PTPRC: variants seen among roughly 807,000 people sequenced by gnomAD.
PTPRC encodes protein tyrosine phosphatase receptor type C, also known as receptor-type tyrosine-protein phosphatase C.
A neutral mutation model predicts 155.9 loss-of-function variants in PTPRC; 44 were observed. The observed-to-expected ratio is 0.28, with a 90% CI of 0.22 to 0.36. The LOEUF is 0.36. Among genes scored for constraint, PTPRC ranks in the 10% least tolerant of loss-of-function variants. PTPRC has a pLI of 1.00. For synonymous variants in PTPRC, 525 were observed against 533.1 expected (o/e 0.98, Z 0.21); for missense variants, 1,401 against 1,564.6 (o/e 0.90, Z 1.76).
intron 26 of PTPRC, among the ~76,000 whole-genome samples, chr1:198,744,839 A>G (rs1034407159): frequency 1.3e-5 from 2 of 151,798 alleles, no homozygotes; most frequent in African/African-American, 2.4e-5. Flanking sequence ...TGGTAAATTC[A>G]GAGTTTCTAA....
chr1:198,708,297 G>C, intron 10 of PTPRC, 36 bp downstream of exon 10: 1 of 1,566,730 alleles, frequency 6.4e-7, no homozygotes, highest in Non-Finnish European at 8.7e-7. Flanking sequence ...ATTTTTTTTT[G>C]TGGCACAATG....
chr1:198,650,386 T>C (rs1344858465), intron 2 of PTPRC, among the ~76,000 whole-genome samples: 1 of 151,524 alleles, frequency 6.6e-6, no homozygotes, highest in Non-Finnish European at 1.5e-5. Flanking sequence ...AATGGGAGGA[T>C]GGAGAAAGGG....
intron 15 of PTPRC, among the ~76,000 whole-genome samples, chr1:198,728,042 A>C (rs1654221474): frequency 6.6e-6 from 1 of 152,190 alleles, no homozygotes; most frequent in Non-Finnish European, 1.5e-5. Context: ...TGATAAAAAA[A>C]GAGAATTAAA....
At chr1:198,710,570 A>T (rs1160354227) in intron 11 of PTPRC, among the ~76,000 whole-genome samples, 2 of 152,190 alleles carry the variant, frequency 1.3e-5, no homozygotes, top group African/African-American at 2.4e-5. Flanking sequence ...TGAACACAAG[A>T]TATCTTTCCA....
In PTPRC at chr1:198,752,306, G is replaced by T; in HGVS notation, c.3265G>T (p.Asp1089Tyr). 1.2e-6 allele frequency: 2 copies of T among 1,612,084 alleles called. No individual in the cohort carries two copies. Among genetic ancestry groups the T allele is most frequent in the South Asian group, 2.2e-5 (2 of 91,052 alleles). ...GCAAACATATGGAGATATTGAAGTT[G>T]ACCTGAAAGACACAGACAAATCTTC... ...GKQTYGDIEV[D>Y]LKDTDKSSTY... The change falls in exon 30 of 33, where the codon GAC (aspartate) becomes TAC (tyrosine). Residue 1089 changes from aspartate to tyrosine, a missense_variant. Physicochemically the swap from Asp to Tyr is radical, Grantham distance 160. Coordinates refer to ENST00000442510, the MANE Select transcript of PTPRC (RefSeq NM_002838.5).
chr1:198,642,928 C>CTT (rs1557960280), intron 2 of PTPRC, among the ~76,000 whole-genome samples: 1 of 147,208 alleles, frequency 6.8e-6, no homozygotes, highest in Non-Finnish European at 1.5e-5. Flanking sequence ...TTCTTTCTTT[C>CTT]TTTCTTTCTT....
intron 3 of PTPRC, chr1:198,694,216 A>G: frequency 7.1e-7 from 1 of 1,405,652 alleles, no homozygotes. Flanking sequence ...CACGAGAGAA[A>G]GATGAAGACC....
intron 26 of PTPRC, among the ~76,000 whole-genome samples, chr1:198,747,279 G>C (rs1655176737): frequency 1.3e-5 from 2 of 151,276 alleles, no homozygotes; most frequent in Admixed American, 1.3e-4. Flanking sequence ...GTGTTTATGT[G>C]CCAAGAGTTG....
In PTPRC at chr1:198,666,225, A is replaced by G. The variant is rs558424378; in HGVS notation, c.74-26122A>G. Among the ~76,000 whole-genome samples the G allele has an allele frequency of 2.1e-5, 3 of 145,514 alleles. No homozygotes were observed. In the South Asian group the frequency reaches 6.6e-4, roughly 32 times the overall value. On this transcript the variant is annotated intron_variant, in intron 2 of 32. Transcript: ENST00000442510. ...TCCAGCATTCTAGCCTGGGCAACAG[A>G]GCAAGACCCTGTCTCAAAAAAAAAA...
At chr1:198,645,321 C>T (rs987793633) in intron 2 of PTPRC, among the ~76,000 whole-genome samples, 3 of 151,796 alleles carry the variant, frequency 2.0e-5, no homozygotes, top group Non-Finnish European at 4.4e-5. Context: ...CATGGCAATA[C>T]AGTGTGGCCA....
chr1:198,746,500 G>A (rs1173402527), intron 26 of PTPRC, among the ~76,000 whole-genome samples: 1 of 151,650 alleles, frequency 6.6e-6, no homozygotes, highest in Non-Finnish European at 1.5e-5. Flanking sequence ...ACTGTTGGGA[G>A]AAGATGATTA....
chr1:198,679,605 T>C (rs1022756561), intron 2 of PTPRC: 8 of 214,650 alleles, frequency 3.7e-5, no homozygotes, highest in Non-Finnish European at 6.9e-5. Flanking sequence ...CATTTTGAAT[T>C]TGCCACTGTG....
At chr1:198,683,969 A>G (rs1468744947) in intron 2 of PTPRC, among the ~76,000 whole-genome samples, 4 of 151,968 alleles carry the variant, frequency 2.6e-5, no homozygotes, top group Non-Finnish European at 4.4e-5. Context: ...TATGCTTTTA[A>G]TATATTAACA....
At chr1:198,693,106 A>C in intron 3 of PTPRC, 5 of 968,788 alleles carry the variant, frequency 5.2e-6, no homozygotes, top group Non-Finnish European at 6.1e-6. Flanking sequence ...ATTTTGATTT[A>C]ATATGGTAAT....
At chr1:198,661,760 A>G (rs1196167553) in intron 2 of PTPRC, among the ~76,000 whole-genome samples, 1 of 152,202 alleles carries the variant, frequency 6.6e-6, no homozygotes, top group African/African-American at 2.4e-5. Context: ...GAATAGGACC[A>G]TACTTTCTTC....
intron 2 of PTPRC, among the ~76,000 whole-genome samples, chr1:198,650,811 C>G (rs1248021026): frequency 6.6e-6 from 1 of 151,494 alleles, no homozygotes; most frequent in Non-Finnish European, 1.5e-5. Flanking sequence ...GGAAGAGACA[C>G]AAGGAGGAGC....
At chr1:198,693,216 CAAAT>C in intron 3 of PTPRC, 1 of 834,330 alleles carries the variant, frequency 1.2e-6, no homozygotes, top group Non-Finnish European at 1.4e-6. Context: ...ATGAAGAAAA[CAAAT>C]AACCATGAAA....
At chr1:198,659,873 T>G (rs1170441061) in intron 2 of PTPRC, among the ~76,000 whole-genome samples, 2 of 151,724 alleles carry the variant, frequency 1.3e-5, no homozygotes, top group African/African-American at 4.8e-5. Flanking sequence ...TCTGTAAAAC[T>G]AGTTGTTTTA....
At chr1:198,742,048 A>C (rs1433024766) in intron 24 of PTPRC, 22 bp downstream of exon 24, 14 of 1,609,838 alleles carry the variant, frequency 8.7e-6, no homozygotes, top group Non-Finnish European at 1.2e-5. Context: ...GAACAAAAAA[A>C]AAAAACAACA....
Sources: allele counts gnomAD v4.1 joint callset (sites outside exome capture counted in the v4.1 genomes callset), GRCh38; gene constraint gnomAD v4.1.1; transcripts MANE v1.5; gene names NCBI Gene and HGNC (gene_info 2026-07-23, HGNC 2026-07-21).